LRMDA: variants seen among roughly 807,000 people sequenced by gnomAD.
LRMDA encodes leucine rich melanocyte differentiation associated, also known as leucine-rich melanocyte differentiation-associated protein.
In LRMDA, 18 loss-of-function variants were observed where a neutral mutation model predicts 29.8. The observed-to-expected ratio is 0.60, with a 90% confidence interval of 0.42 to 0.90. The LOEUF (loss-of-function observed/expected upper bound fraction) is 0.90, where lower values mean the gene tolerates loss of function less well. LRMDA is among the 40% of genes least tolerant of loss of function. The pLI is 0.00. For synonymous variants in LRMDA, 125 were observed against 109.4 expected, an observed-to-expected ratio of 1.14 and a Z score of -0.89; for missense variants, 273 against 273.9, an observed-to-expected ratio of 1.00 and a Z score of 0.02.
rs150898819 is a variant in LRMDA at position 75,810,901 on chromosome 10, G to T, written c.132-225107G>T. ...TTAAAACTTGCAAACATCCTGTAAAGAATGTACTATTGTATTCAGTTTCCA... is the reference window on the plus strand; with the variant it reads ...TTAAAACTTGCAAACATCCTGTAAATAATGTACTATTGTATTCAGTTTCCA... On this transcript the variant is annotated intron_variant, in intron 2 of 6. Transcript: ENST00000611255. Among the ~76,000 whole-genome samples the T allele has an allele frequency of 5.1e-3, 773 of 152,316 alleles. 7 individuals carry two copies. Among genetic ancestry groups the T allele is most frequent in the African/African-American group, 0.018 (732 of 41,564 alleles).
intron 2 of LRMDA, among the ~76,000 whole-genome samples, chr10:75,561,532 C>T (rs1400482168): frequency 1.3e-5 from 2 of 151,906 alleles, no homozygotes; most frequent in African/African-American, 4.8e-5. Flanking sequence ...CTATTTCCTT[C>T]AGTTCTGCTC....
At chr10:76,198,268 C>T (rs996087845) in intron 5 of LRMDA, among the ~76,000 whole-genome samples, 1 of 152,194 alleles carries the variant, frequency 6.6e-6, no homozygotes, top group African/African-American at 2.4e-5. Flanking sequence ...GTTAAAATCA[C>T]ATTCTGATTC....
chr10:76,116,717 T>G (rs927528505), intron 5 of LRMDA, among the ~76,000 whole-genome samples: 3 of 152,148 alleles, frequency 2.0e-5, no homozygotes, highest in Non-Finnish European at 4.4e-5. Flanking sequence ...GAGACTATGC[T>G]CTCAAGGCAG....
At chr10:76,264,088 A>G (rs1354634501) in intron 5 of LRMDA, among the ~76,000 whole-genome samples, 1 of 152,016 alleles carries the variant, frequency 6.6e-6, no homozygotes, top group Non-Finnish European at 1.5e-5. Context: ...TTGTTCATTT[A>G]CCTTTAATGT....
chr10:76,429,914 G>A (rs1842173509), intron 6 of LRMDA, among the ~76,000 whole-genome samples: 1 of 152,120 alleles, frequency 6.6e-6, no homozygotes, highest in Non-Finnish European at 1.5e-5. Flanking sequence ...TCTATAAAAA[G>A]AAAGCAAATG....
At chr10:76,128,750 G>A (rs575825428) in intron 5 of LRMDA, among the ~76,000 whole-genome samples, 6 of 152,284 alleles carry the variant, frequency 3.9e-5, no homozygotes, top group South Asian at 2.1e-4. Context: ...AGTACAAGGC[G>A]AGGGACCTTT....
chr10:76,021,901 T>C (rs1213699046), intron 2 of LRMDA, among the ~76,000 whole-genome samples: 1 of 152,204 alleles, frequency 6.6e-6, no homozygotes, highest in African/African-American at 2.4e-5. Context: ...ATTTTTTCAA[T>C]GTTGCGCTTT....
At chr10:75,582,624 C>T (rs7081111) in intron 2 of LRMDA, among the ~76,000 whole-genome samples, 3,803 of 152,300 alleles carry the variant, frequency 0.025, 151 homozygotes, top group African/African-American at 0.087. Flanking sequence ...GAAATGCTTT[C>T]AAGGCATTTC....
intron 5 of LRMDA, among the ~76,000 whole-genome samples, chr10:76,295,933 T>C (rs1183010619): frequency 6.6e-6 from 1 of 152,258 alleles, no homozygotes; most frequent in Non-Finnish European, 1.5e-5. Context: ...TTTGGAATTA[T>C]CTAGCATAGT....
At chr10:75,621,571 C>G (rs1416002967) in intron 2 of LRMDA, among the ~76,000 whole-genome samples, 2 of 152,148 alleles carry the variant, frequency 1.3e-5, no homozygotes, top group East Asian at 3.9e-4. Context: ...TTCGTGTGTC[C>G]CTTGGCAGTC....
chr10:76,276,093 C>T (rs562995046), intron 5 of LRMDA, among the ~76,000 whole-genome samples: 1 of 150,346 alleles, frequency 6.7e-6, no homozygotes, highest in Admixed American at 6.6e-5. Context: ...TTCTTTCTTT[C>T]TTTTGTTAAT....
At chr10:76,298,522 C>G (rs1348865510) in intron 5 of LRMDA, among the ~76,000 whole-genome samples, 1 of 152,188 alleles carries the variant, frequency 6.6e-6, no homozygotes, top group Non-Finnish European at 1.5e-5. Context: ...GAAATGAACT[C>G]TGACTTAGAG....
intron 2 of LRMDA, among the ~76,000 whole-genome samples, chr10:75,782,024 C>A (rs999001453): frequency 2.6e-5 from 4 of 152,188 alleles, no homozygotes; most frequent in Non-Finnish European, 5.9e-5. Flanking sequence ...ACAGCTACAG[C>A]TTTTCGGATA....
chr10:75,944,522 C>G (rs1047172308), intron 2 of LRMDA, among the ~76,000 whole-genome samples: 1 of 151,472 alleles, frequency 6.6e-6, no homozygotes, highest in African/African-American at 2.4e-5. Context: ...TTTTTTTCTC[C>G]TACTGAGACT....
Position 76,474,446 on chromosome 10 carries a change from C to T in LRMDA, c.602-82763C>T, listed in dbSNP as rs1051014594. Among the ~76,000 whole-genome samples the T allele has an allele frequency of 3.3e-5, 5 of 151,640 alleles. No individual in the cohort carries two copies. In the East Asian group the frequency reaches 7.8e-4, roughly 24 times the overall value. On this transcript the variant is annotated intron_variant, in intron 6 of 6. Coordinates refer to ENST00000611255, the MANE Select transcript of LRMDA (RefSeq NM_001305581.2). ...CATCAGGAGTGTGAAAAGATAACCT[C>T]TAGAACTGGAGAAATTTTTATAAGT... is the stretch of plus-strand genomic sequence containing the variant.
intron 6 of LRMDA, among the ~76,000 whole-genome samples, chr10:76,381,969 A>G (rs1841598236): frequency 6.6e-6 from 1 of 152,236 alleles, no homozygotes; most frequent in African/African-American, 2.4e-5. Context: ...GCAACACATG[A>G]CATGGAAGTA....
chr10:76,205,311 A>G (rs1851514364), intron 5 of LRMDA, among the ~76,000 whole-genome samples: 1 of 152,172 alleles, frequency 6.6e-6, no homozygotes, highest in Non-Finnish European at 1.5e-5. Flanking sequence ...AGAAGGATAT[A>G]TCCTGGGTTT....
intron 2 of LRMDA, among the ~76,000 whole-genome samples, chr10:76,022,500 A>G (rs879416827): frequency 4.6e-5 from 7 of 152,176 alleles, no homozygotes; most frequent in Admixed American, 1.3e-4. Flanking sequence ...CAATTGAGTG[A>G]AGGCAAACAC....
intron 2 of LRMDA, among the ~76,000 whole-genome samples, chr10:75,886,620 G>GT (rs1845393949): frequency 6.6e-6 from 1 of 152,148 alleles, no homozygotes; most frequent in South Asian, 2.1e-4. Flanking sequence ...TATAATCTGT[G>GT]TGACAGTGTT....
Sources: gnomAD v4.1 joint callset for allele counts (sites outside exome capture counted in the v4.1 genomes callset) on GRCh38, gnomAD v4.1.1 for gene constraint, MANE v1.5 for transcripts, NCBI Gene and HGNC (gene_info 2026-07-23, HGNC 2026-07-21) for gene names.